The following RBP3 variants were observed in gnomAD, a reference collection of about 807,000 sequenced individuals.
The protein encoded by RBP3 is retinol-binding protein 3.
RBP3 carries 50 observed loss-of-function variants against 64.8 expected under a neutral mutation model. That is an observed-to-expected ratio of 0.77 (90% CI 0.61 to 0.98). The LOEUF is 0.98. Ranked by LOEUF, RBP3 falls within the 50% of genes least tolerant of loss-of-function variation. The pLI is 0.00. For synonymous variants in RBP3, 828 were observed against 730.2 expected (o/e 1.13, Z -2.16); for missense variants, 1,712 against 1,660.5 (o/e 1.03, Z -0.54).
In RBP3 at chr10:47,356,789, T is replaced by C. The variant is rs1269783187; in HGVS notation, c.3389-313T>C. ...AAAGGAAGTCAGGTCGGTTTAGGTGTTCTCATTATTCATGAAGAGAGAGGA... is the reference window on the plus strand; with the variant it reads ...AAAGGAAGTCAGGTCGGTTTAGGTGCTCTCATTATTCATGAAGAGAGAGGA... On this transcript the variant is annotated intron_variant, in intron 3 of 3. Transcript: ENST00000584701. Among the ~76,000 whole-genome samples, 10 of 152,188 alleles carry C rather than the reference T, an allele frequency of 6.6e-5. No individual in the cohort carries two copies. The East Asian group carries it at 1.9e-3, about 29-fold the overall frequency.
Position 47,349,394 on chromosome 10 carries a change from T to C in RBP3, c.910T>C (p.Cys304Arg), listed in dbSNP as rs782063142. Residue 304 changes from cysteine (C) to arginine (R), a missense_variant, in exon 1 of 4, where the codon TGT becomes CGT. Cys to Arg is a radical substitution (Grantham distance 180, BLOSUM62 -3). Transcript: ENST00000584701. Reference protein sequence around the residue: ...QTWEGSGVLPCVGTPAEQALE... With the variant: ...QTWEGSGVLPRVGTPAEQALE... ...GTGGGAGGGCAGCGGGGTGCTGCCC[T>C]GTGTGGGGACTCCGGCCGAGCAGGC... is the stretch of plus-strand genomic sequence containing the variant. The C allele has an allele frequency of 5.6e-6, 9 of 1,611,910 alleles. No individual in the cohort carries two copies. Among genetic ancestry groups the C allele is most frequent in the Non-Finnish European group, 6.8e-6 (8 of 1,179,968 alleles).
chr10:47,349,518 A>G lies in RBP3; in HGVS notation c.1034A>G (p.Asp345Gly), dbSNP rs1555211113. The G allele has an allele frequency of 6.2e-7, 1 of 1,612,962 alleles. No homozygotes were observed. The highest frequency in any genetic ancestry group is 1.3e-5 in the African/African-American group (1 of 75,018). The change falls in exon 1 of 4, where the codon GAC (aspartate) becomes GGC (glycine). Residue 345 changes from aspartate (D) to glycine (G), a missense_variant. Coordinates refer to ENST00000584701, the MANE Select transcript of RBP3 (RefSeq NM_002900.3). ...CTGAAGGACTACTACACGCTGGTGG[A>G]CCGTGTGCCCACCCTGCTGCAGCAC... is the stretch of plus-strand genomic sequence containing the variant. ...EVLKDYYTLVDRVPTLLQHLA... is the reference protein window; with the variant it reads ...EVLKDYYTLVGRVPTLLQHLA...
rs782473200 is a variant in RBP3, at chr10:47,355,439, C to T, written c.3309C>T (p.Gly1103=). 1.1e-5 allele frequency: 17 copies of T among 1,614,030 alleles called. No homozygotes were observed. In the South Asian group the frequency reaches 1.6e-4, roughly 16 times the overall value. Residue 1103 remains glycine, a synonymous_variant, in exon 3 of 4, where the codon GGC becomes GGT. Coordinates refer to ENST00000584701, the MANE Select transcript of RBP3 (RefSeq NM_002900.3). ...TGTGCTCCTACTTCTTTGATGAAGG[C>T]CCTCCAGTTCTGCTGGACAAGATCT... ...PILCSYFFDE[G]PPVLLDKIYS...
In RBP3 at chr10:47,348,628, G is replaced by A; in HGVS notation, c.144G>A (p.Met48Ile). Reference protein sequence around the residue: ...NYCFPENLLGMQEAIQQAIKS... With the variant: ...NYCFPENLLGIQEAIQQAIKS... ...GCTTCCCGGAGAACCTGCTGGGCAT[G>A]CAGGAAGCCATCCAGCAGGCCATCA... Residue 48 changes from methionine (M) to isoleucine (I), a missense_variant, in exon 1 of 4, where the codon ATG (methionine) becomes ATA (isoleucine). Physicochemically the swap from Met to Ile is conservative, Grantham distance 10 (BLOSUM62 1). Transcript: ENST00000584701. The A allele has an allele frequency of 6.2e-7, 1 of 1,613,504 alleles. No individual in the cohort carries two copies. The highest frequency in any genetic ancestry group is 1.6e-4 in the Middle Eastern group (1 of 6,062).
chr10:47,351,115 C>T lies in RBP3; in HGVS notation c.2631C>T (p.Leu877=). 2 of 1,612,896 alleles carry T rather than the reference C, an allele frequency of 1.2e-6. No individual in the cohort carries two copies. The highest frequency in any genetic ancestry group is 2.2e-5 in the South Asian group (2 of 91,088). ...VIGEPTAGGA[L]SVGIYQVGSS... ...GGGAGCCCACGGCCGGAGGCGCACT[C>T]TCTGTGGGCATCTACCAGGTGGGCA... The change falls in exon 1 of 4, where the codon CTC becomes CTT. Residue 877 remains leucine, a synonymous_variant. Transcript: ENST00000584701.
In RBP3 at chr10:47,355,455, G is replaced by T; in HGVS notation, c.3325G>T (p.Asp1109Tyr). The change falls in exon 3 of 4, where the codon GAC becomes TAC. Residue 1109 changes from aspartate to tyrosine, a missense_variant. Asp to Tyr is a radical substitution (Grantham distance 160, BLOSUM62 -3). Coordinates refer to ENST00000584701, the MANE Select transcript of RBP3 (RefSeq NM_002900.3). Reference protein sequence around the residue: ...FFDEGPPVLLDKIYSRPDDSV... With the variant: ...FFDEGPPVLLYKIYSRPDDSV... ...TGATGAAGGCCCTCCAGTTCTGCTG[G>T]ACAAGATCTACAGCCGGCCTGATGA... 1 of 1,614,154 alleles carries T rather than the reference G, an allele frequency of 6.2e-7. No individual in the cohort carries two copies. The highest frequency in any genetic ancestry group is 8.5e-7 in the Non-Finnish European group (1 of 1,180,034).
In RBP3 at chr10:47,357,337, G is replaced by A. The variant is rs1837062559; in HGVS notation, c.3624G>A (p.Gly1208=). 6.2e-7 allele frequency: 1 copy of A among 1,614,140 alleles called. No homozygotes were observed. Among genetic ancestry groups the A allele is most frequent in the Non-Finnish European group, 8.5e-7 (1 of 1,180,038 alleles). ...CCTCGGATGGCAGCTCCTGGGAAGG[G>A]GTGGGGGTGACACCCCATGTGGTTG... ...VGASDGSSWE[G]VGVTPHVVVP... is the part of the protein sequence containing the mutation. Residue 1208 remains glycine, a synonymous_variant, in exon 4 of 4, where the codon GGG becomes GGA. Transcript: ENST00000584701.
chr10:47,353,527 G>A lies in RBP3; in HGVS notation c.3245+12G>A. On this transcript the variant is annotated intron_variant, in intron 2 of 3. Coordinates refer to ENST00000584701, the MANE Select transcript of RBP3 (RefSeq NM_002900.3). ...ATCATCGACATGAGGTCAGTGGCCA[G>A]GGGTCAGTGCTTCCTAGCCAGGACG... The A allele has an allele frequency of 1.2e-6, 2 of 1,613,548 alleles. No homozygotes were observed. The highest frequency in any genetic ancestry group is 1.7e-6 in the Non-Finnish European group (2 of 1,179,868).
intron 2 of RBP3, among the ~76,000 whole-genome samples, chr10:47,354,751 C>A (rs1353742168): frequency 6.6e-6 from 1 of 152,178 alleles, no homozygotes; most frequent in Non-Finnish European, 1.5e-5. Context: ...GCCAGGCCAT[C>A]CCAGGCCATC....
In RBP3 at chr10:47,349,042, C is replaced by T. The variant is rs1490531236; in HGVS notation, c.558C>T (p.Tyr186=). The T allele has an allele frequency of 2.5e-6, 4 of 1,613,952 alleles. No homozygotes were observed. Among genetic ancestry groups the T allele is most frequent in the Admixed American group, 1.7e-5 (1 of 60,010 alleles). ...QVSGIPYIIS[Y]LHPGNTILHV... ...CTGGCATTCCCTACATCATCTCCTA[C>T]CTGCACCCAGGGAACACCATCCTGC... is the stretch of plus-strand genomic sequence containing the variant. Residue 186 remains tyrosine (Y), a synonymous_variant, in exon 1 of 4, where the codon TAC becomes TAT. Coordinates refer to ENST00000584701, the MANE Select transcript of RBP3 (RefSeq NM_002900.3).
In RBP3 at chr10:47,356,158, C is replaced by T. The variant is rs144791742; in HGVS notation, c.3388+640C>T. 4.9e-3 allele frequency among the ~76,000 whole-genome samples: 740 copies of T among 152,204 alleles called. 7 individuals carry two copies. Among genetic ancestry groups the T allele is most frequent in the Middle Eastern group, 0.034 (10 of 294 alleles). On this transcript the variant is annotated intron_variant, in intron 3 of 3. Coordinates refer to ENST00000584701, the MANE Select transcript of RBP3 (RefSeq NM_002900.3). ...CCCAACAAGAAAGGACTGGAGAGAC[C>T]GATGGGGGTGTGCCTGTGACCAGAG...
chr10:47,351,400 C>T lies in RBP3; in HGVS notation c.2916C>T (p.Tyr972=). The change falls in exon 1 of 4, where the codon TAC becomes TAT. Residue 972 remains tyrosine (Y), a synonymous_variant. Transcript: ENST00000584701. ...AACTGAGCGGTCTGCAGAGCCGCTA[C>T]TCCAGGGTGACCTCAGAAGTGGCCC... The part of the protein sequence containing the change: ...ATKLSGLQSR[Y]SRVTSEVALA... 4 of 1,613,696 alleles carry T rather than the reference C, an allele frequency of 2.5e-6. No homozygotes were observed. Among genetic ancestry groups the T allele is most frequent in the South Asian group, 1.1e-5 (1 of 91,092 alleles).
At chr10:47,351,706 ACT>A (rs555881887) in intron 1 of RBP3, among the ~76,000 whole-genome samples, 168 bp downstream of exon 1, 36 of 151,796 alleles carry the variant, frequency 2.4e-4, no homozygotes, top group African/African-American at 8.5e-4. Context: ...TGTTCCATCC[ACT>A]CTCTGTGACC....
chr10:47,349,969 C>CT lies in RBP3; in HGVS notation c.1487dup (p.Gln497ProfsTer4), dbSNP rs1565765353. On this transcript the variant is annotated frameshift_variant, in exon 1 of 4. Coordinates refer to ENST00000584701, the MANE Select transcript of RBP3 (RefSeq NM_002900.3). LOFTEE classifies it high-confidence loss of function. ...CTGCTGTGCCCCTGCTCCTGTCCTACTTCCAGGGCCCTGAGGCCGGCCCCG... is the reference window on the plus strand; with the variant it reads ...CTGCTGTGCCCCTGCTCCTGTCCTACTTTCCAGGGCCCTGAGGCCGGCCCCG... 6.2e-7 allele frequency: 1 copy of CT among 1,612,740 alleles called. No individual in the cohort carries two copies. The highest frequency in any genetic ancestry group is 2.2e-5 in the East Asian group (1 of 44,856).
rs1555211220 is a variant in RBP3 at position 47,349,954 on chromosome 10, C to G, written c.1470C>G (p.Pro490=). The change falls in exon 1 of 4, where the codon CCC becomes CCG. Residue 490 remains proline, a synonymous_variant. Coordinates refer to ENST00000584701, the MANE Select transcript of RBP3 (RefSeq NM_002900.3). ...CTGGAGGGCCATCCTCTGCTGTGCC[C>G]CTGCTCCTGTCCTACTTCCAGGGCC... The part of the protein sequence containing the change: ...HNPGGPSSAV[P]LLLSYFQGPE... 6.2e-7 allele frequency: 1 copy of G among 1,612,614 alleles called. No individual in the cohort carries two copies. Among genetic ancestry groups the G allele is most frequent in the South Asian group, 1.1e-5 (1 of 91,048 alleles).
rs781957643 is a variant in RBP3, at chr10:47,349,194, G to T, written c.710G>T (p.Gly237Val). The change falls in exon 1 of 4, where the codon GGC becomes GTC. Residue 237 changes from glycine (G) to valine (V), a missense_variant. Transcript: ENST00000584701. Reference protein sequence around the residue: ...VVVLTSSQTRGVAEDIAHILK... With the variant: ...VVVLTSSQTRVVAEDIAHILK... ...GTCCTCACCAGCAGCCAGACCAGGG[G>T]CGTGGCCGAGGACATCGCGCACATC... 1 of 1,613,688 alleles carries T rather than the reference G, an allele frequency of 6.2e-7. No homozygotes were observed. The highest frequency in any genetic ancestry group is 8.5e-7 in the Non-Finnish European group (1 of 1,180,040).
rs782181002 is a variant in RBP3, at chr10:47,351,519, C to A, written c.3035C>A (p.Pro1012His). 1 of 1,613,756 alleles carries A rather than the reference C, an allele frequency of 6.2e-7. No individual in the cohort carries two copies. The highest frequency in any genetic ancestry group is 8.5e-7 in the Non-Finnish European group (1 of 1,180,050). Residue 1012 changes from proline to histidine, a missense_variant, in exon 1 of 4, where the codon CCT becomes CAT. Physicochemically the swap from Pro to His is moderately conservative, Grantham distance 77 (BLOSUM62 -2). Coordinates refer to ENST00000584701, the MANE Select transcript of RBP3 (RefSeq NM_002900.3). Reference protein sequence around the residue: ...HIPENAKDRIPGIVPMQIPSP... With the variant: ...HIPENAKDRIHGIVPMQIPSP... ...CCTGAGAATGCCAAGGACCGCATTC[C>A]TGGAATTGTGCCCATGCAGGTGAGA...
At position 47,349,977 on chromosome 10, in the gene RBP3, G is replaced by A. The variant is rs1836934074; in HGVS notation, c.1493G>A (p.Gly498Asp). 2 of 1,612,646 alleles carry A rather than the reference G, an allele frequency of 1.2e-6. No individual in the cohort carries two copies. The highest frequency in any genetic ancestry group is 1.7e-6 in the Non-Finnish European group (2 of 1,179,664). ...AVPLLLSYFQ[G>D]PEAGPVHLFT... Reference sequence around the variant, plus strand: ...CCCCTGCTCCTGTCCTACTTCCAGGGCCCTGAGGCCGGCCCCGTGCACCTC... The same window carrying A: ...CCCCTGCTCCTGTCCTACTTCCAGGACCCTGAGGCCGGCCCCGTGCACCTC... Residue 498 changes from glycine to aspartate, a missense_variant, in exon 1 of 4, where the codon GGC becomes GAC. Coordinates refer to ENST00000584701, the MANE Select transcript of RBP3 (RefSeq NM_002900.3).
Position 47,357,859 on chromosome 10 carries a change from T to C in RBP3, c.*402T>C, listed in dbSNP as rs1394540626. ...AAAATAAAGAAGATAAAATAAATTA[T>C]ATACCCGAGCCATTAACCACAATTT... is the stretch of plus-strand genomic sequence containing the variant. On this transcript the variant is annotated 3_prime_UTR_variant, in exon 4 of 4. Coordinates refer to ENST00000584701, the MANE Select transcript of RBP3 (RefSeq NM_002900.3). 6.3e-6 allele frequency: 1 copy of C among 159,516 alleles called. No individual in the cohort carries two copies. Among genetic ancestry groups the C allele is most frequent in the Non-Finnish European group, 1.4e-5 (1 of 72,606 alleles). 9.9% of individuals were successfully genotyped at this position (159,516 alleles called of 1,614,324 possible).
Sources: allele counts gnomAD v4.1 joint callset (sites outside exome capture counted in the v4.1 genomes callset), GRCh38; gene constraint gnomAD v4.1.1; transcripts MANE v1.5; gene names NCBI Gene and HGNC (gene_info 2026-07-23, HGNC 2026-07-21).